DIAPH1: variants seen among roughly 807,000 people sequenced by gnomAD.
DIAPH1 encodes the protein protein diaphanous homolog 1.
DIAPH1 carries 46 observed loss-of-function variants against 140.7 expected under a neutral mutation model. The observed-to-expected ratio is 0.33, with a 90% confidence interval of 0.26 to 0.42. The LOEUF (loss-of-function observed/expected upper bound fraction) is 0.42. Ranked by LOEUF, DIAPH1 falls within the 10% of genes least tolerant of loss-of-function variation. DIAPH1 has a pLI of 1.00. For missense variants in DIAPH1, 1,310 were observed against 1,558.7 expected, an observed-to-expected ratio of 0.84 and a Z score of 2.69; for synonymous variants, 565 against 551.6, an observed-to-expected ratio of 1.02 and a Z score of -0.34.
At chr5:141,605,765 C>G (rs1164296675) in intron 1 of DIAPH1, among the ~76,000 whole-genome samples, 1 of 152,188 alleles carries the variant, frequency 6.6e-6, no homozygotes, top group Non-Finnish European at 1.5e-5. Flanking sequence ...TACTTAGGTA[C>G]TACTGCTCTT....
chr5:141,611,044 T>C (rs142066641), intron 1 of DIAPH1, among the ~76,000 whole-genome samples: 361 of 152,088 alleles, frequency 2.4e-3, no homozygotes, highest in African/African-American at 7.9e-3. Context: ...TGAGTTGTCA[T>C]TGCACCACTG....
At chr5:141,582,919 T>A (rs2099896994) in intron 6 of DIAPH1, among the ~76,000 whole-genome samples, 1 of 152,226 alleles carries the variant, frequency 6.6e-6, no homozygotes, top group Non-Finnish European at 1.5e-5. Context: ...ACAGCAGCAC[T>A]AAATCAGATT....
At chr5:141,599,343 T>C (rs1408004987) in intron 1 of DIAPH1, among the ~76,000 whole-genome samples, 1 of 152,212 alleles carries the variant, frequency 6.6e-6, no homozygotes, top group African/African-American at 2.4e-5. Context: ...CTGTATTTCA[T>C]TACTTTCTAA....
intron 1 of DIAPH1, among the ~76,000 whole-genome samples, chr5:141,594,586 T>C (rs1184419030): frequency 6.6e-6 from 1 of 151,740 alleles, no homozygotes; most frequent in Non-Finnish European, 1.5e-5. Flanking sequence ...CTACTAAAAA[T>C]ACAAAAATTA....
chr5:141,529,005 G>A (rs767746213), intron 21 of DIAPH1, 64 bp from the exon 22 acceptor site: 32 of 1,610,722 alleles, frequency 2.0e-5, no homozygotes, highest in Middle Eastern at 1.7e-4. Flanking sequence ...AAAGATACAC[G>A]CTTGAGCCTC....
intron 19 of DIAPH1, among the ~76,000 whole-genome samples, chr5:141,531,723 A>G (rs2099888267): frequency 6.6e-6 from 1 of 152,002 alleles, no homozygotes. Context: ...CCTGACCTCC[A>G]GTGATCCACC....
At chr5:141,517,455 C>G (rs1190465604) in intron 27 of DIAPH1, among the ~76,000 whole-genome samples, 3 of 152,162 alleles carry the variant, frequency 2.0e-5, no homozygotes, top group South Asian at 2.1e-4. Context: ...TCTCAGTCAG[C>G]CCTGGGAGGG....
intron 1 of DIAPH1, among the ~76,000 whole-genome samples, chr5:141,591,474 G>C (rs1051731894): frequency 7.3e-5 from 11 of 151,196 alleles, no homozygotes; most frequent in Non-Finnish European, 1.5e-4. Flanking sequence ...AACTCTCCAA[G>C]TCTATTACAC....
Position 141,587,108 on chromosome 5 carries a change from A to C in DIAPH1, c.234T>G (p.Asp78Glu), listed in dbSNP as rs1292590118. The C allele has an allele frequency of 3.7e-6, 6 of 1,614,158 alleles. No homozygotes were observed. Among genetic ancestry groups the C allele is most frequent in the East Asian group, 4.5e-5 (2 of 44,876 alleles). Residue 78 changes from aspartate (D) to glutamate (E), a missense_variant, in exon 3 of 28, where the codon GAT becomes GAG. Around this residue, in one of 3 missense-constraint regions of DIAPH1, gnomAD observed 377 missense variants for 497.1 expected, o/e 0.76. Coordinates refer to ENST00000389054, the MANE Select transcript of DIAPH1 (RefSeq NM_005219.5). ...CATCTTGCAATGACTGTGCTGTGGG[A>C]TCATCCCCATATGATGCAGAAGAAT... ...HRNSSASYGD[D>E]PTAQSLQDVS...
chr5:141,557,363 C>A (rs1472679984), intron 18 of DIAPH1, among the ~76,000 whole-genome samples: 1 of 152,038 alleles, frequency 6.6e-6, no homozygotes, highest in Non-Finnish European at 1.5e-5. Context: ...ACAAGACTAG[C>A]TGTTGATTAA....
chr5:141,593,050 A>G (rs946859161), intron 1 of DIAPH1, among the ~76,000 whole-genome samples: 2 of 152,246 alleles, frequency 1.3e-5, no homozygotes, highest in Middle Eastern at 3.2e-3. Flanking sequence ...TGGGACTAGA[A>G]GAACTAGAGG....
intron 27 of DIAPH1, among the ~76,000 whole-genome samples, chr5:141,522,114 T>C (rs751847917): frequency 2.6e-5 from 4 of 152,220 alleles, no homozygotes; most frequent in Non-Finnish European, 5.9e-5. Flanking sequence ...ATGATGTGAA[T>C]GCACCAGGGT....
intron 1 of DIAPH1, among the ~76,000 whole-genome samples, chr5:141,589,709 G>A (rs928645185): frequency 3.9e-5 from 6 of 151,988 alleles, no homozygotes; most frequent in African/African-American, 1.5e-4. Context: ...ATGATATTCT[G>A]TATCTTGACA....
At chr5:141,604,782 T>C (rs1284831750) in intron 1 of DIAPH1, among the ~76,000 whole-genome samples, 2 of 152,150 alleles carry the variant, frequency 1.3e-5, no homozygotes, top group Admixed American at 1.3e-4. Flanking sequence ...ATCCAAAAAT[T>C]ATACTACTAC....
chr5:141,598,862 G>A (rs190315153), intron 1 of DIAPH1, among the ~76,000 whole-genome samples: 11 of 152,260 alleles, frequency 7.2e-5, no homozygotes, highest in Admixed American at 3.9e-4. Flanking sequence ...CAGTGGTGGT[G>A]GTTGTGTGTA....
Position 141,571,949 on chromosome 5 carries a change from AG to A in DIAPH1, c.2449del (p.Thr818ProfsTer29). The A allele has an allele frequency of 6.2e-7, 1 of 1,613,982 alleles. No individual in the cohort carries two copies. Among genetic ancestry groups the A allele is most frequent in the Non-Finnish European group, 8.5e-7 (1 of 1,179,860 alleles). Reference sequence around the variant, plus strand: ...ACTCTTGGTCTGGGCAGAGAAGGTAAGGGTAAGTTTGGCGAAAAGTTCATTG... The same window carrying A: ...ACTCTTGGTCTGGGCAGAGAAGGTAAGGTAAGTTTGGCGAAAAGTTCATTG... ...ENNELFAKLT[L>X]TFSAQTKTSK... On this transcript the variant is annotated frameshift_variant, in exon 17 of 28. Transcript: ENST00000389054. LOFTEE classifies it high-confidence loss of function.
Position 141,574,187 on chromosome 5 carries a change from G to A in DIAPH1, c.1663C>T (p.Leu555=). ...GCCATTTCTTTCTTGGCATCTTCCA[G>A]TTCCTTTGTCAGCTTGGCAACCTAC... ...TGEVAKLTKE[L]EDAKKEMASL... is the part of the protein sequence containing the mutation. The change falls in exon 16 of 28, where the codon CTG becomes TTG. Residue 555 remains leucine (L), a synonymous_variant. Transcript: ENST00000389054. 2 of 1,614,102 alleles carry A rather than the reference G, an allele frequency of 1.2e-6. No individual in the cohort carries two copies. Among genetic ancestry groups the A allele is most frequent in the South Asian group, 1.1e-5 (1 of 91,082 alleles).
chr5:141,608,090 T>A (rs928953258), intron 1 of DIAPH1, among the ~76,000 whole-genome samples: 19 of 152,258 alleles, frequency 1.2e-4, no homozygotes, highest in Non-Finnish European at 1.3e-4. Flanking sequence ...GTTCTATTTC[T>A]AGTTTTAAAT....
chr5:141,526,704 G>GTTATT (rs2099887383), intron 24 of DIAPH1, among the ~76,000 whole-genome samples: 1 of 151,984 alleles, frequency 6.6e-6, no homozygotes. Flanking sequence ...GTTTGTTTGT[G>GTTATT]TTTGTTTGTT....
Sources: allele counts gnomAD v4.1 joint callset (sites outside exome capture counted in the v4.1 genomes callset), GRCh38; gene constraint gnomAD v4.1.1; regional missense constraint gnomAD v4.1.1; transcripts MANE v1.5; gene names NCBI Gene and HGNC (gene_info 2026-07-23, HGNC 2026-07-21).